NWD1: variants seen among roughly 807,000 people sequenced by gnomAD.
The protein encoded by NWD1 is NACHT domain- and WD repeat-containing protein 1.
NWD1 carries 129 observed loss-of-function variants against 135.1 expected under a neutral mutation model. The observed-to-expected ratio is 0.96, with a 90% CI of 0.83 to 1.11. The LOEUF is 1.11. NWD1 is among the 50% of genes least tolerant of loss of function. The pLI, the probability that NWD1 is intolerant of heterozygous loss-of-function variation, is 0.00. For synonymous variants in NWD1, 773 were observed against 786.0 expected, an observed-to-expected ratio of 0.98 and a Z score of 0.28; for missense variants, 1,740 against 1,851.3, an observed-to-expected ratio of 0.94 and a Z score of 1.10.
At position 16,750,077 on chromosome 19, in the gene NWD1, T is replaced by C; in HGVS notation, c.1435T>C (p.Leu479=). The C allele has an allele frequency of 6.2e-7, 1 of 1,614,012 alleles. No homozygotes were observed. Among genetic ancestry groups the C allele is most frequent in the East Asian group, 2.2e-5 (1 of 44,878 alleles). ...CSGALGVLDT[L]QRVLLDPEAY... is the part of the protein sequence containing the mutation. Reference sequence around the variant, plus strand: ...GGGGGCACTGGGGGTTTTGGACACCTTGCAGCGGGTGCTCCTGGACCCGGA... The same window carrying C: ...GGGGGCACTGGGGGTTTTGGACACCCTGCAGCGGGTGCTCCTGGACCCGGA... Residue 479 remains leucine (L), a synonymous_variant, in exon 6 of 19, where the codon TTG becomes CTG. Coordinates refer to ENST00000524140, the MANE Select transcript of NWD1 (RefSeq NM_001007525.5).
chr19:16,738,375 C>T, intron 4 of NWD1: 1 of 290,288 alleles, frequency 3.4e-6, no homozygotes, highest in Non-Finnish European at 7.3e-6. Flanking sequence ...TTGAGAGCAG[C>T]CTGGGCAACA....
intron 17 of NWD1, among the ~76,000 whole-genome samples, chr19:16,806,703 T>C (rs1970755310): frequency 6.6e-6 from 1 of 150,838 alleles, no homozygotes; most frequent in Non-Finnish European, 1.5e-5. Context: ...AGAGTGAGAC[T>C]CCGTCTCTTA....
At chr19:16,806,877 C>A (rs768216558) in intron 17 of NWD1, among the ~76,000 whole-genome samples, 2 of 151,730 alleles carry the variant, frequency 1.3e-5, no homozygotes, top group East Asian at 3.9e-4. Context: ...ATTAGCTGGG[C>A]GTGGTGGTGC....
intron 17 of NWD1, among the ~76,000 whole-genome samples, chr19:16,804,630 G>T (rs991510028): frequency 1.3e-5 from 2 of 151,346 alleles, no homozygotes. Context: ...ATAGAAATTT[G>T]TTTATCATAT....
chr19:16,775,729 C>T (rs895371793), intron 11 of NWD1, among the ~76,000 whole-genome samples: 12 of 152,128 alleles, frequency 7.9e-5, no homozygotes, highest in East Asian at 5.8e-4. Context: ...AGTGCAGTGG[C>T]GCAATCTCGG....
intron 4 of NWD1, among the ~76,000 whole-genome samples, chr19:16,740,590 G>A (rs1343492320): frequency 2.7e-5 from 4 of 150,636 alleles, no homozygotes; most frequent in South Asian, 4.2e-4. Flanking sequence ...CACCCACCTC[G>A]GCCTCCAAAA....
intron 6 of NWD1, among the ~76,000 whole-genome samples, chr19:16,753,819 A>G (rs1352788187): frequency 7.6e-6 from 1 of 130,858 alleles, no homozygotes; most frequent in African/African-American, 2.8e-5. Flanking sequence ...CCCTCCCTCC[A>G]TCATCTCTAT....
chr19:16,720,852 C>T (rs989419546), intron 1 of NWD1, among the ~76,000 whole-genome samples: 4 of 151,780 alleles, frequency 2.6e-5, no homozygotes, highest in South Asian at 4.2e-4. Flanking sequence ...CGCACCTGGC[C>T]GAGACTTTTT....
intron 6 of NWD1, among the ~76,000 whole-genome samples, chr19:16,754,927 C>T (rs755286612): frequency 2.0e-5 from 3 of 152,176 alleles, no homozygotes; most frequent in African/African-American, 4.8e-5. Flanking sequence ...CTCTATATAT[C>T]TATATATTTC....
chr19:16,817,916 T>C lies in NWD1; in HGVS notation c.*2877T>C, dbSNP rs1256586084. 6.6e-6 allele frequency: 1 copy of C among 152,172 alleles called. No individual in the cohort carries two copies. Among genetic ancestry groups the C allele is most frequent in the East Asian group, 1.9e-4 (1 of 5,198 alleles). The allele number at this position is 152,172 out of a possible 1,614,324, so 9.4% of individuals were successfully genotyped here. On this transcript the variant is annotated 3_prime_UTR_variant, in exon 19 of 19. Coordinates refer to ENST00000524140, the MANE Select transcript of NWD1 (RefSeq NM_001007525.5). Reference sequence around the variant, plus strand: ...TTGTAGATAAATCCTAATTTAAACATTGGAAATGCCTTTTTACTAATAAAA... The same window carrying C: ...TTGTAGATAAATCCTAATTTAAACACTGGAAATGCCTTTTTACTAATAAAA...
rs571431378 is a variant in NWD1, at chr19:16,734,166, C to T, written c.82-2468C>T. ...TCCAGTGCTGGCCAAACTAAACACC[C>T]TCCTTTGCAAGGAAAGCTTTGTGAA... On this transcript the variant is annotated intron_variant, in intron 3 of 18. Transcript: ENST00000524140. Among the ~76,000 whole-genome samples the T allele has an allele frequency of 3.9e-5, 6 of 152,272 alleles. No individual in the cohort carries two copies. The South Asian group carries it at 6.2e-4, about 16-fold the overall frequency.
At chr19:16,762,292 C>G (rs369331787) in intron 8 of NWD1, among the ~76,000 whole-genome samples, 154 bp downstream of exon 8, 136 of 138,946 alleles carry the variant, frequency 9.8e-4, no homozygotes, top group Non-Finnish European at 1.3e-3. Flanking sequence ...CTGTCCCCCC[C>G]ACTCCTTTTT....
intron 6 of NWD1, among the ~76,000 whole-genome samples, chr19:16,753,350 A>G (rs748139032): frequency 1.3e-5 from 2 of 152,188 alleles, no homozygotes; most frequent in Non-Finnish European, 2.9e-5. Flanking sequence ...TGGTCCAATT[A>G]GTAAAGCCAG....
intron 4 of NWD1, among the ~76,000 whole-genome samples, chr19:16,739,951 G>A (rs1473818482): frequency 6.6e-6 from 1 of 152,054 alleles, no homozygotes; most frequent in Non-Finnish European, 1.5e-5. Context: ...GTTGGCTTGT[G>A]TCTTAGTCTA....
chr19:16,759,713 C>CA (rs1043061914), intron 7 of NWD1, among the ~76,000 whole-genome samples: 69 of 151,716 alleles, frequency 4.5e-4, no homozygotes, highest in African/African-American at 1.5e-3. Flanking sequence ...CCCATCTCTA[C>CA]AAAAAAAATA....
rs183447127 is a variant in NWD1 at position 16,731,242 on chromosome 19, C to T, written c.45C>T (p.Cys15=). The T allele has an allele frequency of 2.0e-5, 30 of 1,534,428 alleles. No homozygotes were observed. The highest frequency in any genetic ancestry group is 1.6e-4 in the Admixed American group (8 of 50,966). ...KPCRALPTLK[C]QTFCQRHGLM... is the part of the protein sequence containing the mutation. ...GCAGAGCACTGCCTACCCTGAAGTGCCAGACCTTCTGCCAGAGGCACGGCT... is the reference window on the plus strand; with the variant it reads ...GCAGAGCACTGCCTACCCTGAAGTGTCAGACCTTCTGCCAGAGGCACGGCT... The change falls in exon 3 of 19, where the codon TGC becomes TGT. Residue 15 remains cysteine, a synonymous_variant. Coordinates refer to ENST00000524140, the MANE Select transcript of NWD1 (RefSeq NM_001007525.5).
intron 6 of NWD1, among the ~76,000 whole-genome samples, chr19:16,751,085 G>A (rs544942490): frequency 1.8e-4 from 27 of 151,996 alleles, no homozygotes; most frequent in African/African-American, 5.5e-4. Context: ...TTAGCCAGGC[G>A]TGGTGGTGCA....
At position 16,789,119 on chromosome 19, in the gene NWD1, G is replaced by T. The variant is rs145720941; in HGVS notation, c.2869G>T (p.Ala957Ser). Residue 957 changes from alanine (A) to serine (S), a missense_variant, in exon 13 of 19, where the codon GCT (alanine) becomes TCT (serine). Coordinates refer to ENST00000524140, the MANE Select transcript of NWD1 (RefSeq NM_001007525.5). The stretch of plus-strand genomic sequence containing the variant: ...TTGGGATGGAGGCTCAAAAAATCCC[G>T]CTGAACCTCAGATCTGGAACCTTCA... The part of the protein sequence containing the change: ...TIWDGGSKNP[A>S]EPQIWNLHVD... 2 of 1,613,974 alleles carry T rather than the reference G, an allele frequency of 1.2e-6. No individual in the cohort carries two copies. Among genetic ancestry groups the T allele is most frequent in the East Asian group, 2.2e-5 (1 of 44,876 alleles).
chr19:16,807,184 A>G (rs887859591), intron 17 of NWD1, among the ~76,000 whole-genome samples: 29 of 151,146 alleles, frequency 1.9e-4, no homozygotes, highest in Admixed American at 5.3e-4. Context: ...AAAAAAAAAA[A>G]AAAGAAAGAA....
Sources: allele counts gnomAD v4.1 joint callset (sites outside exome capture counted in the v4.1 genomes callset), GRCh38; gene constraint gnomAD v4.1.1; transcripts MANE v1.5; gene names NCBI Gene and HGNC (gene_info 2026-07-23, HGNC 2026-07-21).